The following CADPS2 variants were observed in gnomAD, a reference collection of about 807,000 sequenced individuals.
CADPS2 encodes calcium-dependent secretion activator 2.
CADPS2 carries 93 observed loss-of-function variants against 172.5 expected under a neutral mutation model. The ratio of observed to expected loss-of-function variants is 0.54; its 90% CI spans 0.46 to 0.64. The LOEUF (loss-of-function observed/expected upper bound fraction) is 0.64. Ranked by LOEUF, CADPS2 falls within the 30% of genes least tolerant of loss-of-function variation. CADPS2 has a pLI of 0.00. For missense variants in CADPS2, 1,420 were observed against 1,565.9 expected (o/e 0.91, Z 1.57); for synonymous variants, 546 against 555.2 (o/e 0.98, Z 0.23).
At chr7:122,690,793 CCA>C (rs1257865056) in intron 2 of CADPS2, among the ~76,000 whole-genome samples, 2 of 152,212 alleles carry the variant, frequency 1.3e-5, no homozygotes, top group Non-Finnish European at 2.9e-5. Context: ...TGATCACCAT[CCA>C]CATTGCTCTG....
At chr7:122,619,218 A>G (rs1182152051) in intron 5 of CADPS2, among the ~76,000 whole-genome samples, 1 of 152,208 alleles carries the variant, frequency 6.6e-6, no homozygotes, top group Non-Finnish European at 1.5e-5. Flanking sequence ...TGAACAATAG[A>G]GAAAAGATAA....
Position 122,472,270 on chromosome 7 carries a change from TAGAG to T in CADPS2, c.1999-712_1999-709del, listed in dbSNP as rs148499282. On this transcript the variant is annotated intron_variant, in intron 13 of 29. Transcript: ENST00000449022. ...GATAGTAAAAGAAAAGAAGGGAGTA[TAGAG>T]AGTTTTAAAAGGGGGCAGGGTAATC... 5.8e-3 allele frequency among the ~76,000 whole-genome samples: 876 copies of T among 151,526 alleles called. 3 individuals are homozygous for T. The highest frequency in any genetic ancestry group is 0.036 in the South Asian group (173 of 4,784).
intron 2 of CADPS2, among the ~76,000 whole-genome samples, chr7:122,683,053 C>G (rs1410328136): frequency 1.3e-5 from 2 of 152,192 alleles, no homozygotes; most frequent in African/African-American, 2.4e-5. Flanking sequence ...TGGTTCTTGT[C>G]TGGCGTCCAG....
At chr7:122,846,928 G>A (rs1445800460) in intron 1 of CADPS2, among the ~76,000 whole-genome samples, 1 of 152,090 alleles carries the variant, frequency 6.6e-6, no homozygotes, top group Non-Finnish European at 1.5e-5. Context: ...CAGATTCCTA[G>A]GCCTCATACC....
chr7:122,386,844 A>G (rs2043748889), intron 24 of CADPS2, among the ~76,000 whole-genome samples, 182 bp downstream of exon 24: 1 of 152,140 alleles, frequency 6.6e-6, no homozygotes, highest in Non-Finnish European at 1.5e-5. Flanking sequence ...TATTTATATC[A>G]AAAAGGAGAA....
chr7:122,326,841 G>A (rs752244650), intron 28 of CADPS2, among the ~76,000 whole-genome samples: 22 of 151,926 alleles, frequency 1.4e-4, no homozygotes, highest in Non-Finnish European at 2.8e-4. Flanking sequence ...AATTAAAAAT[G>A]AATTTTACAT....
At chr7:122,626,980 T>C (rs1028890598) in intron 4 of CADPS2, among the ~76,000 whole-genome samples, 2 of 152,180 alleles carry the variant, frequency 1.3e-5, no homozygotes, top group Admixed American at 1.3e-4. Context: ...GTTTCACTGT[T>C]ATTATATTGT....
chr7:122,333,463 T>C (rs982684103), intron 28 of CADPS2, among the ~76,000 whole-genome samples: 6 of 152,174 alleles, frequency 3.9e-5, no homozygotes, highest in Non-Finnish European at 7.3e-5. Flanking sequence ...CCCAGGAACC[T>C]TTTTCAGCAA....
intron 1 of CADPS2, among the ~76,000 whole-genome samples, chr7:122,852,142 C>G (rs796277512): frequency 5.9e-5 from 9 of 152,242 alleles, no homozygotes; most frequent in African/African-American, 2.2e-4. Flanking sequence ...GAAAGACTCA[C>G]TAAAAGCAAG....
At chr7:122,717,519 T>C (rs1051447393) in intron 2 of CADPS2, among the ~76,000 whole-genome samples, 1 of 152,170 alleles carries the variant, frequency 6.6e-6, no homozygotes, top group Non-Finnish European at 1.5e-5. Flanking sequence ...GTGGAAGTTA[T>C]GTTGGAACTG....
chr7:122,394,956 G>T (rs145606158), intron 20 of CADPS2, among the ~76,000 whole-genome samples: 39 of 152,310 alleles, frequency 2.6e-4, no homozygotes, highest in African/African-American at 8.9e-4. Flanking sequence ...AGAGGTAGAA[G>T]CTGGGGAAAA....
chr7:122,445,879 G>T (rs1366885463), intron 15 of CADPS2, among the ~76,000 whole-genome samples: 1 of 152,092 alleles, frequency 6.6e-6, no homozygotes, highest in South Asian at 2.1e-4. Flanking sequence ...TTTAGATTCG[G>T]TAAGATTTTC....
At chr7:122,406,164 T>C (rs1053575171) in intron 20 of CADPS2, among the ~76,000 whole-genome samples, 1 of 152,114 alleles carries the variant, frequency 6.6e-6, no homozygotes, top group Admixed American at 6.5e-5. Flanking sequence ...TCTATGTGAT[T>C]TCCCCCCCAC....
intron 17 of CADPS2, among the ~76,000 whole-genome samples, chr7:122,422,232 C>CT (rs2048606072): frequency 1.3e-5 from 2 of 152,110 alleles, no homozygotes; most frequent in Non-Finnish European, 2.9e-5. Context: ...AAGCAGTCAC[C>CT]TGGGGCACTC....
At chr7:122,366,199 A>T (rs1177956282) in intron 25 of CADPS2, among the ~76,000 whole-genome samples, 1 of 151,878 alleles carries the variant, frequency 6.6e-6, no homozygotes, top group Non-Finnish European at 1.5e-5. Flanking sequence ...TTAAAAATAA[A>T]CTTGTTTTAG....
At chr7:122,582,900 T>C (rs1432439127) in intron 6 of CADPS2, among the ~76,000 whole-genome samples, 1 of 152,068 alleles carries the variant, frequency 6.6e-6, no homozygotes, top group African/African-American at 2.4e-5. Flanking sequence ...CTGATTTTTT[T>C]CCTCTAATTT....
chr7:122,393,089 C>A, intron 22 of CADPS2, 107 bp downstream of exon 22: 1 of 1,270,252 alleles, frequency 7.9e-7, no homozygotes, highest in Non-Finnish European at 1.0e-6. Flanking sequence ...CAGTATTCCT[C>A]AACCAACGAT....
intron 2 of CADPS2, among the ~76,000 whole-genome samples, chr7:122,679,125 TAA>T (rs1443418526): frequency 6.7e-6 from 1 of 148,830 alleles, no homozygotes; most frequent in Non-Finnish European, 1.5e-5. Flanking sequence ...GAGATAACCT[TAA>T]AGTCTGGCTG....
At chr7:122,810,334 G>A (rs1727698481) in intron 1 of CADPS2, among the ~76,000 whole-genome samples, 1 of 152,114 alleles carries the variant, frequency 6.6e-6, no homozygotes, top group South Asian at 2.1e-4. Context: ...TGCATTTAGT[G>A]CACACAGAAT....
Sources: gnomAD v4.1 joint callset for allele counts (sites outside exome capture counted in the v4.1 genomes callset) on GRCh38, gnomAD v4.1.1 for gene constraint, MANE v1.5 for transcripts, NCBI Gene and HGNC (gene_info 2026-07-23, HGNC 2026-07-21) for gene names.